Variants in STK39 observed in about 807,000 individuals in gnomAD.
STK39 encodes the protein STE20/SPS1-related proline-alanine-rich protein kinase.
Under a neutral mutation model 77.8 loss-of-function variants are expected in STK39, and 20 were observed. The observed-to-expected ratio is 0.26, with a 90% CI of 0.18 to 0.37. The LOEUF (loss-of-function observed/expected upper bound fraction) is 0.37. Ranked by LOEUF, STK39 falls within the 10% of genes least tolerant of loss-of-function variation. The pLI, the probability that STK39 is intolerant of heterozygous loss-of-function variation, is 1.00. For missense variants in STK39, 479 were observed against 656.5 expected, an observed-to-expected ratio of 0.73 and a Z score of 2.95; for synonymous variants, 246 against 234.1, an observed-to-expected ratio of 1.05 and a Z score of -0.47.
chr2:168,064,951 AATG>A (rs1241112325), intron 13 of STK39, among the ~76,000 whole-genome samples: 6 of 152,384 alleles, frequency 3.9e-5, no homozygotes, highest in Non-Finnish European at 8.8e-5. Flanking sequence ...CATAAAATTC[AATG>A]ATAACAGAAT....
At chr2:168,071,869 CAAA>C (rs201293469) in intron 12 of STK39, among the ~76,000 whole-genome samples, 3 of 105,464 alleles carry the variant, frequency 2.8e-5, no homozygotes, top group African/African-American at 3.8e-5. Context: ...GACTCCATCT[CAAA>C]AAAAAAAAAA....
At chr2:167,994,880 A>C (rs1264142945) in intron 16 of STK39, among the ~76,000 whole-genome samples, 1 of 152,132 alleles carries the variant, frequency 6.6e-6, no homozygotes, top group Non-Finnish European at 1.5e-5. Context: ...TAAATCCTTC[A>C]GGTCACAAAA....
At chr2:168,066,674 GA>G (rs1231626816) in intron 12 of STK39, among the ~76,000 whole-genome samples, 1 of 152,164 alleles carries the variant, frequency 6.6e-6, no homozygotes, top group Non-Finnish European at 1.5e-5. Context: ...TTTCCCCTGG[GA>G]AGACCCATCT....
intron 1 of STK39, among the ~76,000 whole-genome samples, chr2:168,210,080 A>AGGAAGGAAG (rs1439388333): frequency 6.7e-6 from 1 of 149,902 alleles, no homozygotes; most frequent in African/African-American, 2.5e-5. Flanking sequence ...GAAGGAAGGA[A>AGGAAGGAAG]GAAAGAAACT....
chr2:167,998,547 G>A (rs1462110343), intron 16 of STK39, among the ~76,000 whole-genome samples: 1 of 152,200 alleles, frequency 6.6e-6, no homozygotes, highest in African/African-American at 2.4e-5. Flanking sequence ...TTTTGGGAAT[G>A]TACATGAAGT....
rs545830765 is a variant in STK39, at chr2:168,135,799, A to G, written c.974+2289T>C. ...CCTGGGAAGGTGATGTGCCACTAAC[A>G]GTCTATAGCTGCTTGGTATAGAGAA... On this transcript the variant is annotated intron_variant, in intron 8 of 17. Coordinates refer to ENST00000355999, the MANE Select transcript of STK39 (RefSeq NM_013233.3). Among the ~76,000 whole-genome samples the G allele has an allele frequency of 2.6e-4, 40 of 152,318 alleles. No individual in the cohort carries two copies. The South Asian group carries it at 8.3e-3, about 32-fold the overall frequency.
chr2:168,160,926 G>A (rs10930308), intron 5 of STK39, among the ~76,000 whole-genome samples: 48,718 of 144,606 alleles, frequency 0.34, 8,521 homozygotes, highest in Non-Finnish European at 0.39. Flanking sequence ...ATGAGGAGAG[G>A]CACCAGAGTC....
chr2:168,150,529 G>A (rs1688251678), intron 5 of STK39, among the ~76,000 whole-genome samples: 1 of 152,048 alleles, frequency 6.6e-6, no homozygotes, highest in African/African-American at 2.4e-5. Context: ...CTCACTGCAG[G>A]TGTGATGGTA....
rs557163903 is a variant in STK39, at chr2:168,234,290, G to A, written c.208+12938C>T. Among the ~76,000 whole-genome samples, 17 of 152,296 alleles carry A rather than the reference G, an allele frequency of 1.1e-4. No individual in the cohort carries two copies. In the South Asian group the frequency reaches 3.1e-3, roughly 28 times the overall value. On this transcript the variant is annotated intron_variant, in intron 1 of 17. Transcript: ENST00000355999. ...ATCTGCACTAGCCTGTAAGGCAGTC[G>A]TAGCCACAGTTCATTATTGAGCACT...
intron 17 of STK39, among the ~76,000 whole-genome samples, chr2:167,964,031 C>T (rs1559035792): frequency 6.6e-6 from 1 of 152,186 alleles, no homozygotes; most frequent in Non-Finnish European, 1.5e-5. Context: ...CTGACCACCA[C>T]CATCTTGGTC....
intron 16 of STK39, among the ~76,000 whole-genome samples, chr2:167,990,147 C>T (rs906320097): frequency 6.6e-5 from 10 of 151,832 alleles, no homozygotes; most frequent in African/African-American, 2.4e-4. Context: ...GATTTTTTCA[C>T]GAATCCACAT....
chr2:168,148,642 T>C (rs1185400262), intron 5 of STK39, among the ~76,000 whole-genome samples: 1 of 152,164 alleles, frequency 6.6e-6, no homozygotes, highest in African/African-American at 2.4e-5. Context: ...ACTTTGCACA[T>C]AGGAGTAGTT....
At chr2:168,090,270 T>C (rs528551538) in intron 10 of STK39, among the ~76,000 whole-genome samples, 4 of 150,794 alleles carry the variant, frequency 2.7e-5, no homozygotes, top group Non-Finnish European at 4.4e-5. Context: ...CTGCATTTAG[T>C]AGGGACCAAA....
At chr2:167,956,333 T>C (rs1477096097) in intron 17 of STK39, among the ~76,000 whole-genome samples, 1 of 152,024 alleles carries the variant, frequency 6.6e-6, no homozygotes, top group Non-Finnish European at 1.5e-5. Flanking sequence ...CCGAGGCAGG[T>C]GGATCATGAG....
At chr2:168,098,496 C>T (rs868130289) in intron 10 of STK39, among the ~76,000 whole-genome samples, 20 of 152,162 alleles carry the variant, frequency 1.3e-4, no homozygotes, top group Admixed American at 7.2e-4. Context: ...GACTGGGATA[C>T]GGTCAAAGCC....
chr2:168,247,193 G>A, intron 1 of STK39, 35 bp downstream of exon 1: 1 of 1,165,160 alleles, frequency 8.6e-7, no homozygotes. Context: ...TCGGCGCCCG[G>A]CCTGTGCCGG....
intron 1 of STK39, among the ~76,000 whole-genome samples, chr2:168,192,302 A>G (rs942782555): frequency 6.6e-6 from 1 of 152,164 alleles, no homozygotes; most frequent in African/African-American, 2.4e-5. Context: ...AGGAAGGTCT[A>G]TCTGGAGCTT....
chr2:168,107,854 C>T (rs946925525), intron 10 of STK39, among the ~76,000 whole-genome samples: 1 of 152,206 alleles, frequency 6.6e-6, no homozygotes, highest in Non-Finnish European at 1.5e-5. Context: ...GTGTCCTAAA[C>T]TTTGGGTAAA....
intron 16 of STK39, among the ~76,000 whole-genome samples, chr2:167,976,863 T>A (rs1683288791): frequency 6.6e-6 from 1 of 152,202 alleles, no homozygotes. Context: ...GCCAGCCTCA[T>A]GTCAATCAAA....
Sources: gnomAD v4.1 joint callset for allele counts (sites outside exome capture counted in the v4.1 genomes callset) on GRCh38, gnomAD v4.1.1 for gene constraint, MANE v1.5 for transcripts, NCBI Gene and HGNC (gene_info 2026-07-23, HGNC 2026-07-21) for gene names.